DOCK1: variants seen among roughly 807,000 people sequenced by gnomAD.
DOCK1 encodes the protein dedicator of cytokinesis protein 1.
DOCK1 carries 138 observed loss-of-function variants against 262.7 expected under a neutral mutation model. The ratio of observed to expected loss-of-function variants is 0.53; its 90% CI spans 0.46 to 0.61. DOCK1 has a LOEUF of 0.61. Among genes scored for constraint, DOCK1 ranks in the 20% least tolerant of loss-of-function variants. The pLI is 0.00. For missense variants in DOCK1, 1,908 were observed against 2,370.7 expected (o/e 0.80, Z 4.05); for synonymous variants, 866 against 867.4 (o/e 1.00, Z 0.03).
intron 38 of DOCK1, among the ~76,000 whole-genome samples, chr10:127,397,340 G>A (rs113034323): frequency 5.1e-3 from 613 of 120,462 alleles, no homozygotes; most frequent in African/African-American, 0.019. Flanking sequence ...TTACACGGGC[G>A]GTGTCTCCTA....
At chr10:127,087,745 C>G (rs1047453181) in intron 23 of DOCK1, among the ~76,000 whole-genome samples, 15 of 152,026 alleles carry the variant, frequency 9.9e-5, no homozygotes, top group Non-Finnish European at 2.1e-4. Context: ...ACCATTTACC[C>G]GAAGTAGAAC....
At chr10:127,286,023 C>A (rs1410469962) in intron 29 of DOCK1, among the ~76,000 whole-genome samples, 1 of 152,144 alleles carries the variant, frequency 6.6e-6, no homozygotes, top group African/African-American at 2.4e-5. Flanking sequence ...TCCTAGCATG[C>A]CCTTTTTCCA....
chr10:127,063,398 G>A (rs971571710), intron 23 of DOCK1, among the ~76,000 whole-genome samples: 4 of 152,120 alleles, frequency 2.6e-5, no homozygotes, highest in Admixed American at 6.6e-5. Flanking sequence ...GAATCAAGTC[G>A]GAGCCTACCT....
At chr10:127,231,926 G>C (rs1352517689) in intron 27 of DOCK1, among the ~76,000 whole-genome samples, 1 of 152,190 alleles carries the variant, frequency 6.6e-6, no homozygotes, top group Non-Finnish European at 1.5e-5. Context: ...GGTAAAGGCT[G>C]TCTGCTAGGG....
intron 2 of DOCK1, among the ~76,000 whole-genome samples, chr10:126,974,959 A>G: frequency 6.6e-6 from 1 of 151,972 alleles, no homozygotes; most frequent in Non-Finnish European, 1.5e-5. Flanking sequence ...AAATAAAGAC[A>G]CAAAACTCCT....
intron 42 of DOCK1, 115 bp from the exon 43 acceptor site, chr10:127,410,725 G>A (rs1422844951): frequency 9.9e-6 from 9 of 905,306 alleles, no homozygotes; most frequent in Non-Finnish European, 1.5e-5. Context: ...TTCAGGTCAA[G>A]GTTAGGGACA....
chr10:127,046,757 CAAAAAAAAAAA>C (rs5788823), intron 21 of DOCK1, among the ~76,000 whole-genome samples: 2 of 73,348 alleles, frequency 2.7e-5, no homozygotes, highest in African/African-American at 1.1e-4. Context: ...CACTACGTCT[CAAAAAAAAAAA>C]AAAAAAAAAA....
chr10:126,998,016 T>G, intron 7 of DOCK1, 76 bp from the exon 8 acceptor site: 5 of 1,561,722 alleles, frequency 3.2e-6, no homozygotes, highest in Non-Finnish European at 4.4e-6. Flanking sequence ...AATTTTCTAT[T>G]CTGTAGGGAA....
chr10:127,294,955 C>T (rs927632162), intron 29 of DOCK1, among the ~76,000 whole-genome samples: 2 of 152,136 alleles, frequency 1.3e-5, no homozygotes, highest in Non-Finnish European at 2.9e-5. Flanking sequence ...TTGTCCTATT[C>T]TTAAATAAGG....
At chr10:126,967,179 T>C (rs2134627265) in intron 1 of DOCK1, among the ~76,000 whole-genome samples, 1 of 152,342 alleles carries the variant, frequency 6.6e-6, no homozygotes, top group Non-Finnish European at 1.5e-5. Flanking sequence ...TAGTACGTCA[T>C]ATGTCAGGTG....
intron 34 of DOCK1, 50 bp downstream of exon 34, chr10:127,373,916 A>G: frequency 6.4e-7 from 1 of 1,565,988 alleles, no homozygotes; most frequent in South Asian, 1.2e-5. Flanking sequence ...ACAGAGACAG[A>G]GAGACCGTAA....
At chr10:127,375,245 C>T (rs984450690) in intron 35 of DOCK1, among the ~76,000 whole-genome samples, 3 of 152,366 alleles carry the variant, frequency 2.0e-5, no homozygotes, top group Admixed American at 6.5e-5. Context: ...GGCTCCAGAG[C>T]TCTCTGCTTC....
chr10:127,049,968 C>CTT (rs71941085), intron 21 of DOCK1, among the ~76,000 whole-genome samples: 35,295 of 99,862 alleles, frequency 0.35, 6,476 homozygotes, highest in South Asian at 0.47. Context: ...AAACTGGCCT[C>CTT]TTTTTTTTTT....
Position 127,374,108 on chromosome 10 carries a change from C to CT in DOCK1, c.3573dup (p.Val1192CysfsTer15). 1 of 1,613,534 alleles carries CT rather than the reference C, an allele frequency of 6.2e-7. No individual in the cohort carries two copies. Among genetic ancestry groups the CT allele is most frequent in the Non-Finnish European group, 8.5e-7 (1 of 1,179,688 alleles). ...AAATACCTCGCCAAAACAGGAGAAACTTTTGTAAAACTCGTTGTGCGCTTA... is the reference window on the plus strand; with the variant it reads ...AAATACCTCGCCAAAACAGGAGAAACTTTTTGTAAAACTCGTTGTGCGCTTA... On this transcript the variant is annotated frameshift_variant, in exon 35 of 52. Coordinates refer to ENST00000623213, the MANE Select transcript of DOCK1 (RefSeq NM_001290223.2). LOFTEE classifies it high-confidence loss of function.
At chr10:127,240,056 G>GA (rs2059210039) in intron 27 of DOCK1, among the ~76,000 whole-genome samples, 1 of 151,964 alleles carries the variant, frequency 6.6e-6, no homozygotes, top group Non-Finnish European at 1.5e-5. Context: ...AACATCTTCT[G>GA]CAATTACTGC....
At chr10:127,397,398 A>G (rs2066948445) in intron 38 of DOCK1, among the ~76,000 whole-genome samples, 1 of 150,714 alleles carries the variant, frequency 6.6e-6, no homozygotes, top group African/African-American at 2.5e-5. Flanking sequence ...ATGTGATCTG[A>G]GCATGAGTTA....
chr10:127,371,739 G>A (rs1052756549), intron 33 of DOCK1, among the ~76,000 whole-genome samples: 1 of 152,116 alleles, frequency 6.6e-6, no homozygotes, highest in Non-Finnish European at 1.5e-5. Context: ...AATCTTTGAA[G>A]TCTGTCTGGA....
At chr10:127,190,664 T>TC (rs1491352928) in intron 27 of DOCK1, among the ~76,000 whole-genome samples, 2 of 15,260 alleles carry the variant, frequency 1.3e-4, no homozygotes, top group African/African-American at 4.0e-4. Flanking sequence ...AAATCCTATC[T>TC]TCCCCCCCCC....
chr10:127,405,703 C>T (rs1458515100), intron 40 of DOCK1, among the ~76,000 whole-genome samples: 1 of 152,154 alleles, frequency 6.6e-6, no homozygotes, highest in African/African-American at 2.4e-5. Flanking sequence ...GGGCATGTCA[C>T]TGTTGACAGG....
Sources: gnomAD v4.1 joint callset for allele counts (sites outside exome capture counted in the v4.1 genomes callset) on GRCh38, gnomAD v4.1.1 for gene constraint, MANE v1.5 for transcripts, NCBI Gene and HGNC (gene_info 2026-07-23, HGNC 2026-07-21) for gene names.